FAM171A1: variants seen among roughly 807,000 people sequenced by gnomAD.
FAM171A1 encodes protein FAM171A1.
FAM171A1 carries 23 observed loss-of-function variants against 74.9 expected under a neutral mutation model. The observed-to-expected ratio is 0.31, with a 90% CI of 0.22 to 0.44. FAM171A1 has a LOEUF of 0.44. Ranked by LOEUF, FAM171A1 falls within the 20% of genes least tolerant of loss-of-function variation. The pLI is 1.00. For missense variants in FAM171A1, 1,162 were observed against 1,159.2 expected, an observed-to-expected ratio of 1.00 and a Z score of -0.03; for synonymous variants, 527 against 505.7, an observed-to-expected ratio of 1.04 and a Z score of -0.57.
intron 1 of FAM171A1, among the ~76,000 whole-genome samples, chr10:15,345,417 G>A (rs1270842480): frequency 2.0e-5 from 3 of 152,044 alleles, no homozygotes; most frequent in African/African-American, 4.8e-5. Context: ...ATGGCAGAAC[G>A]AGAGGGGATG....
intron 1 of FAM171A1, among the ~76,000 whole-genome samples, chr10:15,311,687 A>G (rs1835361042): frequency 6.6e-6 from 1 of 151,978 alleles, no homozygotes; most frequent in Non-Finnish European, 1.5e-5. Context: ...TGGGAGGCAT[A>G]GAGTAGGAGG....
chr10:15,314,325 C>T (rs374231132), intron 1 of FAM171A1, among the ~76,000 whole-genome samples: 2 of 152,154 alleles, frequency 1.3e-5, no homozygotes, highest in Non-Finnish European at 2.9e-5. Context: ...TTTAAGTGGA[C>T]TGACCAAATA....
intron 6 of FAM171A1, among the ~76,000 whole-genome samples, chr10:15,217,733 G>T (rs1206773618): frequency 6.6e-6 from 1 of 151,948 alleles, no homozygotes; most frequent in African/African-American, 2.4e-5. Context: ...TGCCTCCTGG[G>T]TTTAAGTGAT....
At chr10:15,307,904 A>T (rs1266239464) in intron 1 of FAM171A1, among the ~76,000 whole-genome samples, 1 of 151,764 alleles carries the variant, frequency 6.6e-6, no homozygotes, top group African/African-American at 2.4e-5. Flanking sequence ...CTTGGGCTCA[A>T]GCGATCCTCC....
intron 5 of FAM171A1, among the ~76,000 whole-genome samples, chr10:15,228,230 C>A (rs1196730578): frequency 6.6e-6 from 1 of 151,928 alleles, no homozygotes; most frequent in Non-Finnish European, 1.5e-5. Flanking sequence ...ATATTACAAG[C>A]ACTATTGACT....
chr10:15,278,177 A>T (rs1230282424), intron 2 of FAM171A1, among the ~76,000 whole-genome samples: 1 of 151,692 alleles, frequency 6.6e-6, no homozygotes, highest in Non-Finnish European at 1.5e-5. Flanking sequence ...GCTCAGATCT[A>T]CACCCTGGGT....
chr10:15,356,318 A>G (rs1458944965), intron 1 of FAM171A1, among the ~76,000 whole-genome samples: 1 of 151,936 alleles, frequency 6.6e-6, no homozygotes, highest in African/African-American at 2.4e-5. Flanking sequence ...TTTATGAGAA[A>G]GAGAAGCAAG....
chr10:15,268,061 G>C (rs1164797669), intron 3 of FAM171A1, among the ~76,000 whole-genome samples: 1 of 152,190 alleles, frequency 6.6e-6, no homozygotes, highest in Non-Finnish European at 1.5e-5. Context: ...AAGGGGTGCA[G>C]GCAGCCGGCT....
At chr10:15,280,216 G>C (rs780180275) in intron 2 of FAM171A1, among the ~76,000 whole-genome samples, 6 of 152,226 alleles carry the variant, frequency 3.9e-5, no homozygotes, top group Non-Finnish European at 8.8e-5. Flanking sequence ...ATATGGAAGG[G>C]AGAGGTGGCC....
At chr10:15,243,806 TTGA>T (rs75091537) in intron 5 of FAM171A1, among the ~76,000 whole-genome samples, 7 of 15,444 alleles carry the variant, frequency 4.5e-4, no homozygotes, top group African/African-American at 1.2e-3. Context: ...AATGTATACA[TTGA>T]CTGAGCAGCT....
At chr10:15,370,841 G>A (rs1024561668) in intron 1 of FAM171A1, 115 bp downstream of exon 1, 3 of 319,118 alleles carry the variant, frequency 9.4e-6, no homozygotes, top group African/African-American at 7.1e-5. Flanking sequence ...GATGCGGCTC[G>A]GGCTGCGTCG....
In FAM171A1 at chr10:15,281,466, GGGGCCAGCCA is replaced by G. The variant is rs776104254; in HGVS notation, c.325+2402_325+2411del. Among the ~76,000 whole-genome samples the G allele has an allele frequency of 6.3e-3, 958 of 152,332 alleles. 4 individuals are homozygous for G. The highest frequency in any genetic ancestry group is 0.011 in the Non-Finnish European group (754 of 68,028). On this transcript the variant is annotated intron_variant, in intron 2 of 7. Coordinates refer to ENST00000378116, the MANE Select transcript of FAM171A1 (RefSeq NM_001010924.2). ...AAAGTGCTGATGGGCCGATATGTGT[GGGGCCAGCCA>G]GGGGTGGGCAGGCCTGGGACCCAGG...
chr10:15,233,298 AAAAAAC>A (rs143421389), intron 5 of FAM171A1, among the ~76,000 whole-genome samples: 38,694 of 151,292 alleles, frequency 0.26, 5,956 homozygotes, highest in South Asian at 0.44. Context: ...CCGTCTCAAA[AAAAAAC>A]AAAAACAAAA....
At chr10:15,331,831 G>C (rs1435905986) in intron 1 of FAM171A1, among the ~76,000 whole-genome samples, 1 of 59,980 alleles carries the variant, frequency 1.7e-5, no homozygotes, top group African/African-American at 4.6e-5. Flanking sequence ...ATATATGTGT[G>C]TATATATATG....
intron 3 of FAM171A1, among the ~76,000 whole-genome samples, chr10:15,263,754 T>TCTAA (rs1289663397): frequency 1.3e-5 from 2 of 149,238 alleles, no homozygotes; most frequent in Non-Finnish European, 3.0e-5. Context: ...TATCTATCTA[T>TCTAA]CTATCTATCT....
At chr10:15,365,258 T>G (rs1363970222) in intron 1 of FAM171A1, among the ~76,000 whole-genome samples, 1 of 152,004 alleles carries the variant, frequency 6.6e-6, no homozygotes, top group Non-Finnish European at 1.5e-5. Flanking sequence ...AGATTTTGAG[T>G]CTGGTTAACA....
chr10:15,242,885 C>A (rs1834380473), intron 5 of FAM171A1, among the ~76,000 whole-genome samples: 1 of 152,180 alleles, frequency 6.6e-6, no homozygotes, highest in African/African-American at 2.4e-5. Context: ...AGAGAATGGG[C>A]TAACTTATAT....
chr10:15,295,759 C>T (rs189854018), intron 1 of FAM171A1, among the ~76,000 whole-genome samples: 21 of 152,332 alleles, frequency 1.4e-4, no homozygotes, highest in Admixed American at 1.4e-3. Flanking sequence ...GCAGGCCATG[C>T]AAATGCTCTC....
chr10:15,276,622 T>C (rs1380216016), intron 2 of FAM171A1, among the ~76,000 whole-genome samples: 1 of 152,252 alleles, frequency 6.6e-6, no homozygotes, highest in African/African-American at 2.4e-5. Context: ...GGTTAATGTG[T>C]ACCTCATGGT....
Sources: gnomAD v4.1 joint callset for allele counts (sites outside exome capture counted in the v4.1 genomes callset) on GRCh38, gnomAD v4.1.1 for gene constraint, MANE v1.5 for transcripts, NCBI Gene and HGNC (gene_info 2026-07-23, HGNC 2026-07-21) for gene names.